BTN3A1: variants seen among roughly 807,000 people sequenced by gnomAD.
The protein encoded by BTN3A1 is dJ45P21.3 (butyrophilin, subfamily 3, member A1).
A neutral mutation model predicts 43.0 loss-of-function variants in BTN3A1; 24 were observed. The ratio of observed to expected loss-of-function variants is 0.56; its 90% CI spans 0.40 to 0.78. The LOEUF (loss-of-function observed/expected upper bound fraction) is 0.78, where lower values mean the gene tolerates loss of function less well. Among genes scored for constraint, BTN3A1 ranks in the 30% least tolerant of loss-of-function variants. The probability of loss-of-function intolerance (pLI) is 0.00; values close to 1 mark genes in which losing one functional copy is unlikely to be tolerated. For synonymous variants in BTN3A1, 181 were observed against 234.7 expected, an observed-to-expected ratio of 0.77 and a Z score of 2.09; for missense variants, 533 against 626.2, an observed-to-expected ratio of 0.85 and a Z score of 1.59.
chr6:26,412,159 A>C (rs1009464623), intron 9 of BTN3A1: 10 of 416,304 alleles, frequency 2.4e-5, no homozygotes, highest in Admixed American at 2.4e-4. Context: ...AGGAGGGTTA[A>C]GGGAAAGCAA....
intron 9 of BTN3A1, chr6:26,412,666 A>C: frequency 6.4e-7 from 1 of 1,551,226 alleles, no homozygotes; most frequent in Non-Finnish European, 8.7e-7. Context: ...ATTGCCTTCT[A>C]CAGCGCTAGA....
At chr6:26,408,086 T>C in intron 4 of BTN3A1, 134 bp downstream of exon 4, 1 of 1,377,324 alleles carries the variant, frequency 7.3e-7, no homozygotes, top group East Asian at 2.4e-5. Context: ...TGGAGGCTCC[T>C]CCTTGCACCG....
chr6:26,402,801 C>T (rs1761896568), intron 1 of BTN3A1, among the ~76,000 whole-genome samples: 1 of 152,098 alleles, frequency 6.6e-6, no homozygotes, highest in Non-Finnish European at 1.5e-5. Flanking sequence ...TGTAGAAAAA[C>T]CTGAACCAGC....
chr6:26,414,390 G>A lies in BTN3A1; in HGVS notation c.*698G>A, dbSNP rs990585099. ...TGGTTGTGGAGTTGACACCCCTGTT[G>A]ACTCCTTCCCAGCTGATTGTCAGAG... On this transcript the variant is annotated 3_prime_UTR_variant, in exon 10 of 10. Transcript: ENST00000289361. 4 of 154,256 alleles carry A rather than the reference G, an allele frequency of 2.6e-5. No homozygotes were observed. Among genetic ancestry groups the A allele is most frequent in the African/African-American group, 9.7e-5 (4 of 41,418 alleles). 9.6% of individuals were successfully genotyped at this position (154,256 alleles called of 1,614,324 possible).
In BTN3A1 at chr6:26,407,654, A is replaced by G. The variant is rs77196683; in HGVS notation, c.434-17A>G. ...TACAGGCCTCTCAAGAATTTAGGCT[A>G]ATTCATCCTTCCACAGCACTGGGTT... On this transcript the variant is annotated splice_polypyrimidine_tract_variant and intron_variant, in intron 3 of 9. Coordinates refer to ENST00000289361, the MANE Select transcript of BTN3A1 (RefSeq NM_007048.6). The G allele has an allele frequency of 5.0e-3, 8,003 of 1,611,634 alleles. 98 individuals are homozygous for G. Among genetic ancestry groups the G allele is most frequent in the East Asian group, 0.039 (1,760 of 44,834 alleles).
At chr6:26,409,166 G>A (rs1762118307) in intron 4 of BTN3A1, among the ~76,000 whole-genome samples, 1 of 151,620 alleles carries the variant, frequency 6.6e-6, no homozygotes, top group Non-Finnish European at 1.5e-5. Flanking sequence ...AAGAAAGGGA[G>A]GGTGGGAGGG....
In BTN3A1 at chr6:26,407,968, G is replaced by T; in HGVS notation, c.715+16G>T. 1.2e-6 allele frequency: 2 copies of T among 1,612,376 alleles called. No homozygotes were observed. Among genetic ancestry groups the T allele is most frequent in the Non-Finnish European group, 8.5e-7 (1 of 1,178,628 alleles). ...TCCATCGCAGGTCAGTACCTGCTTG[G>T]CCTCAGGTTTTCTGAGCTGGGCTGT... On this transcript the variant is annotated intron_variant, in intron 4 of 9. Transcript: ENST00000289361.
At chr6:26,408,588 C>T (rs1367437187) in intron 4 of BTN3A1, among the ~76,000 whole-genome samples, 1 of 152,172 alleles carries the variant, frequency 6.6e-6, no homozygotes, top group Non-Finnish European at 1.5e-5. Context: ...AATATCTATC[C>T]AAACTACATC....
intron 9 of BTN3A1, chr6:26,412,698 T>G (rs1177169745): frequency 1.3e-6 from 2 of 1,551,324 alleles, no homozygotes; most frequent in African/African-American, 2.7e-5. Context: ...TTATCCCCAT[T>G]TTTCAGGTGA....
chr6:26,411,034 A>T, intron 7 of BTN3A1, 75 bp from the exon 8 acceptor site: 306 of 788,662 alleles, frequency 3.9e-4, no homozygotes, highest in Middle Eastern at 8.6e-4. Flanking sequence ...GATTAGATGG[A>T]TGTAAAGTTA....
intron 9 of BTN3A1, 146 bp from the exon 10 acceptor site, chr6:26,413,023 C>G (rs1441785971): frequency 1.3e-6 from 2 of 1,484,430 alleles, no homozygotes; most frequent in South Asian, 1.4e-5. Flanking sequence ...CTCCTGACAT[C>G]GATGAGAGAG....
chr6:26,404,570 T>A (rs1332066244), intron 1 of BTN3A1: 1 of 152,234 alleles, frequency 6.6e-6, no homozygotes, highest in Non-Finnish European at 1.5e-5. Context: ...TCTTTTTACC[T>A]GCTGCATTGA....
At chr6:26,410,802 T>G (rs1762186384) in intron 7 of BTN3A1, among the ~76,000 whole-genome samples, 1 of 150,070 alleles carries the variant, frequency 6.7e-6, no homozygotes, top group African/African-American at 2.4e-5. Flanking sequence ...TATATATATA[T>G]GTGCATATAG....
In BTN3A1 at chr6:26,411,415, T is replaced by C. The variant is rs545952867; in HGVS notation, c.992-140T>C. 138 of 1,102,954 alleles carry C rather than the reference T, an allele frequency of 1.3e-4. No homozygotes were observed. In the African/African-American group the frequency reaches 1.9e-3, roughly 15 times the overall value. 68.3% of individuals were successfully genotyped at this position (1,102,954 alleles called of 1,614,324 possible). A position where few individuals can be genotyped will look rare whatever the true frequency, so the allele number is the denominator to read the frequency against. ...TTGAGAAGGTACCACCCCTGATCCATCAGAGCTGTAGAAGAGGGAGGCTGG... is the reference window on the plus strand; with the variant it reads ...TTGAGAAGGTACCACCCCTGATCCACCAGAGCTGTAGAAGAGGGAGGCTGG... On this transcript the variant is annotated intron_variant, in intron 8 of 9. Transcript: ENST00000289361.
In BTN3A1 at chr6:26,413,285, A is replaced by G; in HGVS notation, c.1135A>G (p.Asn379Asp). Residue 379 changes from asparagine to aspartate, a missense_variant, in exon 10 of 10, where the codon AAT (asparagine) becomes GAT (aspartate). This residue lies in a region of BTN3A1 where 415 missense variants were observed against 427.0 expected (regional missense o/e 0.97). Coordinates refer to ENST00000289361, the MANE Select transcript of BTN3A1 (RefSeq NM_007048.6). ...QDLPDNPERFNWHYCVLGCES... is the reference protein window; with the variant it reads ...QDLPDNPERFDWHYCVLGCES... ...TCTGCCAGACAACCCTGAGAGATTT[A>G]ATTGGCATTATTGTGTTCTCGGCTG... 6.2e-7 allele frequency: 1 copy of G among 1,614,202 alleles called. No individual in the cohort carries two copies. The highest frequency in any genetic ancestry group is 1.1e-5 in the South Asian group (1 of 91,082).
At position 26,405,980 on chromosome 6, in the gene BTN3A1, C is replaced by T; in HGVS notation, c.157C>T (p.His53Tyr). The change falls in exon 3 of 10, where the codon CAC (histidine) becomes TAC (tyrosine). Residue 53 changes from histidine to tyrosine, a missense_variant. Around this residue, in one of 4 missense-constraint regions of BTN3A1, gnomAD observed 56 missense variants for 67.1 expected, o/e 0.83. Coordinates refer to ENST00000289361, the MANE Select transcript of BTN3A1 (RefSeq NM_007048.6). ...MVGEDADLPCHLFPTMSAETM... is the reference protein window; with the variant it reads ...MVGEDADLPCYLFPTMSAETM... ...GGGTGAAGACGCTGATCTGCCCTGT[C>T]ACCTGTTCCCGACCATGAGTGCAGA... The T allele has an allele frequency of 6.2e-7, 1 of 1,606,942 alleles. No homozygotes were observed. The highest frequency in any genetic ancestry group is 8.5e-7 in the Non-Finnish European group (1 of 1,177,336).
chr6:26,412,352 A>C, intron 9 of BTN3A1: 1 of 704,470 alleles, frequency 1.4e-6, no homozygotes, highest in Non-Finnish European at 2.6e-6. Flanking sequence ...GCTGGCAGGG[A>C]GGAAGCAGGA....
At chr6:26,409,071 T>G (rs931653306) in intron 4 of BTN3A1, among the ~76,000 whole-genome samples, 2 of 136,276 alleles carry the variant, frequency 1.5e-5, no homozygotes, top group Non-Finnish European at 3.0e-5. Context: ...GCAAGTCACC[T>G]AAAGGAGCCA....
Position 26,411,568 on chromosome 6 carries a change from C to T in BTN3A1, c.1005C>T (p.Ala335=), listed in dbSNP as rs747719629. The part of the protein sequence containing the change: ...RHSAYNEWKK[A]LFKPADVILD... Reference sequence around the variant, plus strand: ...CCTTCCTTTCAGAATGGAAAAAGGCCCTCTTCAAGCCTGGTGAGTAAATCA... The same window carrying T: ...CCTTCCTTTCAGAATGGAAAAAGGCTCTCTTCAAGCCTGGTGAGTAAATCA... The change falls in exon 9 of 10, where the codon GCC becomes GCT. Residue 335 remains alanine, a synonymous_variant. Coordinates refer to ENST00000289361, the MANE Select transcript of BTN3A1 (RefSeq NM_007048.6). 8.1e-6 allele frequency: 13 copies of T among 1,613,500 alleles called. No homozygotes were observed. Among genetic ancestry groups the T allele is most frequent in the Non-Finnish European group, 1.1e-5 (13 of 1,179,678 alleles).
Sources: gnomAD v4.1 joint callset for allele counts (sites outside exome capture counted in the v4.1 genomes callset) on GRCh38, gnomAD v4.1.1 for gene constraint, gnomAD v4.1.1 regional missense constraint, MANE v1.5 for transcripts, NCBI Gene and HGNC (gene_info 2026-07-23, HGNC 2026-07-21) for gene names.